Variants in ATXN7L1 observed in about 807,000 individuals in gnomAD.
ATXN7L1 encodes ataxin-7-like protein 1.
A neutral mutation model predicts 70.8 loss-of-function variants in ATXN7L1; 15 were observed. The ratio of observed to expected loss-of-function variants is 0.21; its 90% CI spans 0.14 to 0.33. The LOEUF is 0.33. Among genes scored for constraint, ATXN7L1 ranks in the 10% least tolerant of loss-of-function variants. The pLI, the probability that ATXN7L1 is intolerant of heterozygous loss-of-function variation, is 1.00. For synonymous variants in ATXN7L1, 440 were observed against 445.1 expected (o/e 0.99, Z 0.14); for missense variants, 975 against 1,097.1 (o/e 0.89, Z 1.57).
intron 3 of ATXN7L1, among the ~76,000 whole-genome samples, chr7:105,772,196 C>T (rs928123118): frequency 2.6e-5 from 4 of 151,258 alleles, no homozygotes; most frequent in African/African-American, 9.7e-5. Flanking sequence ...GCCTCAGCCT[C>T]CTGAGTAGCT....
chr7:105,837,709 G>A (rs1266163206), intron 2 of ATXN7L1, among the ~76,000 whole-genome samples: 4 of 152,128 alleles, frequency 2.6e-5, no homozygotes, highest in South Asian at 2.1e-4. Flanking sequence ...CAGCAGGGAC[G>A]GAAGGACTCC....
At chr7:105,671,024 G>A (rs1318526329) in intron 3 of ATXN7L1, among the ~76,000 whole-genome samples, 1 of 149,766 alleles carries the variant, frequency 6.7e-6, no homozygotes, top group East Asian at 2.0e-4. Context: ...GGAGAATGGC[G>A]TGAACCCGGG....
chr7:105,858,276 A>G (rs1816030915), intron 2 of ATXN7L1, among the ~76,000 whole-genome samples: 1 of 152,192 alleles, frequency 6.6e-6, no homozygotes, highest in Non-Finnish European at 1.5e-5. Context: ...TCAGTGTTCA[A>G]CTACTTACTA....
chr7:105,766,161 C>A (rs955300282), intron 3 of ATXN7L1, among the ~76,000 whole-genome samples: 1 of 150,256 alleles, frequency 6.7e-6, no homozygotes, highest in African/African-American at 2.5e-5. Context: ...CATGTTTTGG[C>A]AACTAGATCA....
intron 2 of ATXN7L1, among the ~76,000 whole-genome samples, chr7:105,789,252 T>C (rs1804773634): frequency 6.6e-6 from 1 of 152,178 alleles, no homozygotes. Flanking sequence ...TCATTACCCA[T>C]TATTCATTCA....
At chr7:105,770,692 T>G (rs958768062) in intron 3 of ATXN7L1, among the ~76,000 whole-genome samples, 3 of 152,202 alleles carry the variant, frequency 2.0e-5, no homozygotes, top group Admixed American at 2.0e-4. Context: ...GGAGAGACCC[T>G]GCCAGACCTT....
In ATXN7L1 at chr7:105,692,411, T is replaced by TTCCTTCCTTCCCTCCCTCCC. The variant is rs1281163461; in HGVS notation, c.356-27124_356-27123insGGGAGGGAGGGAAGGAAGGA. On this transcript the variant is annotated intron_variant, in intron 3 of 11. Coordinates refer to ENST00000419735, the MANE Select transcript of ATXN7L1 (RefSeq NM_020725.2). ...CTTCCTTCCTTCCTTCCTTCCTTCC[T>TTCCTTCCTTCCCTCCCTCCC]TCCTTCCTTCCTTCCTCCCTCCCTC... 2.4e-3 allele frequency among the ~76,000 whole-genome samples: 289 copies of TTCCTTCCTTCCCTCCCTCCC among 119,450 alleles called. 4 individuals carry two copies. Among genetic ancestry groups the TTCCTTCCTTCCCTCCCTCCC allele is most frequent in the South Asian group, 3.2e-3 (10 of 3,082 alleles). 78.4% of individuals were successfully genotyped at this position (119,450 alleles called of 152,430 possible).
intron 2 of ATXN7L1, among the ~76,000 whole-genome samples, chr7:105,862,758 G>A (rs764299886): frequency 7.9e-5 from 12 of 152,160 alleles, no homozygotes; most frequent in Non-Finnish European, 1.3e-4. Flanking sequence ...GACCAGCAGG[G>A]CAATCACTAT....
intron 11 of ATXN7L1, among the ~76,000 whole-genome samples, chr7:105,608,736 G>C (rs1372879899): frequency 6.6e-6 from 1 of 152,056 alleles, no homozygotes; most frequent in Non-Finnish European, 1.5e-5. Context: ...CCTGGCCTGG[G>C]GATACAAAAA....
intron 11 of ATXN7L1, 76 bp downstream of exon 11, chr7:105,610,453 C>T: frequency 2.3e-6 from 3 of 1,328,724 alleles, no homozygotes; most frequent in African/African-American, 1.5e-5. Context: ...CAGGGTCTGA[C>T]CCCAGTGTCC....
intron 4 of ATXN7L1, among the ~76,000 whole-genome samples, chr7:105,648,943 C>T (rs531595626): frequency 2.0e-4 from 28 of 139,628 alleles, no homozygotes; most frequent in African/African-American, 9.5e-4. Flanking sequence ...GGTGGTGAGA[C>T]CTGGGAGGGG....
chr7:105,718,533 G>T (rs1794825071), intron 3 of ATXN7L1, among the ~76,000 whole-genome samples: 1 of 152,188 alleles, frequency 6.6e-6, no homozygotes, highest in Admixed American at 6.5e-5. Flanking sequence ...TGTGTGCCTG[G>T]AGGCTCCGGG....
intron 2 of ATXN7L1, among the ~76,000 whole-genome samples, chr7:105,859,080 C>T (rs12535495): frequency 0.35 from 53,031 of 151,410 alleles, 10,058 homozygotes; most frequent in East Asian, 0.73. Context: ...GAATTTTGAA[C>T]GAGAACTGGG....
At chr7:105,717,387 A>G (rs1794696871) in intron 3 of ATXN7L1, among the ~76,000 whole-genome samples, 1 of 152,148 alleles carries the variant, frequency 6.6e-6, no homozygotes, top group African/African-American at 2.4e-5. Flanking sequence ...CGGCCTCTCA[A>G]AGTGCTGGGA....
chr7:105,740,438 C>A (rs939781900), intron 3 of ATXN7L1, among the ~76,000 whole-genome samples: 1 of 152,170 alleles, frequency 6.6e-6, no homozygotes, highest in Non-Finnish European at 1.5e-5. Flanking sequence ...GCATTTACAG[C>A]AGTGGTTCTC....
intron 4 of ATXN7L1, among the ~76,000 whole-genome samples, chr7:105,660,859 G>A (rs1801500483): frequency 6.6e-6 from 1 of 152,136 alleles, no homozygotes; most frequent in Admixed American, 6.5e-5. Flanking sequence ...GGGATTACAG[G>A]TGTGAGCCAC....
At chr7:105,805,996 G>A (rs1172974464) in intron 2 of ATXN7L1, among the ~76,000 whole-genome samples, 2 of 152,178 alleles carry the variant, frequency 1.3e-5, no homozygotes, top group Non-Finnish European at 2.9e-5. Flanking sequence ...CAAGGCTGGA[G>A]GTGAGAGGGC....
intron 3 of ATXN7L1, among the ~76,000 whole-genome samples, chr7:105,670,615 G>A (rs1184140465): frequency 1.3e-5 from 2 of 151,862 alleles, no homozygotes; most frequent in South Asian, 4.2e-4. Context: ...TTAACATGGC[G>A]CAGATTATTT....
At chr7:105,733,434 T>A (rs1469385904) in intron 3 of ATXN7L1, among the ~76,000 whole-genome samples, 1 of 152,048 alleles carries the variant, frequency 6.6e-6, no homozygotes, top group Non-Finnish European at 1.5e-5. Flanking sequence ...GTAGTGGGCA[T>A]CAGGGGTACA....
Sources: allele counts gnomAD v4.1 joint callset (sites outside exome capture counted in the v4.1 genomes callset), GRCh38; gene constraint gnomAD v4.1.1; transcripts MANE v1.5; gene names NCBI Gene and HGNC (gene_info 2026-07-23, HGNC 2026-07-21).